The following AUTS2 variants were observed in gnomAD, a reference collection of about 807,000 sequenced individuals.
AUTS2 encodes the protein autism susceptibility gene 2 protein.
AUTS2 carries 17 observed loss-of-function variants against 112.4 expected under a neutral mutation model. That is an observed-to-expected ratio of 0.15 (90% CI 0.10 to 0.23). The LOEUF (loss-of-function observed/expected upper bound fraction) is 0.23. Ranked by LOEUF, AUTS2 falls within the 10% of genes least tolerant of loss-of-function variation. The probability of loss-of-function intolerance (pLI) is 1.00; values close to 1 mark genes in which losing one functional copy is unlikely to be tolerated. For missense variants in AUTS2, 1,510 were observed against 1,701.6 expected, an observed-to-expected ratio of 0.89 and a Z score of 1.98; for synonymous variants, 751 against 702.7, an observed-to-expected ratio of 1.07 and a Z score of -1.09.
intron 6 of AUTS2, among the ~76,000 whole-genome samples, chr7:70,742,164 A>G (rs1464143435): frequency 2.0e-5 from 3 of 152,236 alleles, no homozygotes; most frequent in African/African-American, 7.2e-5. Context: ...ATAAGGATAC[A>G]TAAATTATAC....
intron 2 of AUTS2, among the ~76,000 whole-genome samples, chr7:70,087,254 G>A (rs1310101066): frequency 2.8e-5 from 4 of 145,268 alleles, no homozygotes; most frequent in South Asian, 2.2e-4. Context: ...GTTTAATATG[G>A]CAAATTTAAC....
chr7:70,356,932 G>A (rs1166347884), intron 4 of AUTS2, among the ~76,000 whole-genome samples: 1 of 152,136 alleles, frequency 6.6e-6, no homozygotes, highest in Non-Finnish European at 1.5e-5. Context: ...TTTTCCTGTT[G>A]CTTCAAAATG....
intron 2 of AUTS2, among the ~76,000 whole-genome samples, chr7:69,920,953 T>TA (rs1175184129): frequency 1.3e-5 from 2 of 152,224 alleles, no homozygotes; most frequent in Non-Finnish European, 2.9e-5. Flanking sequence ...TGGTGAATGA[T>TA]ACGTGCTTAA....
chr7:69,874,951 G>A (rs1793665862), intron 1 of AUTS2, among the ~76,000 whole-genome samples: 1 of 151,630 alleles, frequency 6.6e-6, no homozygotes, highest in Non-Finnish European at 1.5e-5. Context: ...TTTGATGTTG[G>A]GTATCTAGGA....
At chr7:69,880,204 C>A (rs1442303617) in intron 1 of AUTS2, among the ~76,000 whole-genome samples, 4 of 152,102 alleles carry the variant, frequency 2.6e-5, no homozygotes, top group Non-Finnish European at 5.9e-5. Flanking sequence ...TTTTAAACAA[C>A]TAGATCTCGT....
chr7:69,770,719 A>C (rs80012565), intron 1 of AUTS2, among the ~76,000 whole-genome samples: 1 of 152,174 alleles, frequency 6.6e-6, no homozygotes, highest in Non-Finnish European at 1.5e-5. Flanking sequence ...CTAGAGGACA[A>C]CAGAAGGCTG....
chr7:70,248,045 A>T (rs1813018975), intron 4 of AUTS2, among the ~76,000 whole-genome samples: 1 of 152,186 alleles, frequency 6.6e-6, no homozygotes, highest in Non-Finnish European at 1.5e-5. Flanking sequence ...TGTTAAATCA[A>T]TCTGTAATTC....
intron 1 of AUTS2, among the ~76,000 whole-genome samples, chr7:69,717,590 GA>G (rs1172207313): frequency 6.6e-6 from 1 of 152,066 alleles, no homozygotes; most frequent in East Asian, 1.9e-4. Context: ...AGAATGAAAG[GA>G]AAAAAAATTT....
chr7:70,578,317 G>A (rs1179417041), intron 5 of AUTS2, among the ~76,000 whole-genome samples: 1 of 152,220 alleles, frequency 6.6e-6, no homozygotes, highest in African/African-American at 2.4e-5. Flanking sequence ...TTGTATTGAA[G>A]ATTCTGGGCC....
intron 1 of AUTS2, among the ~76,000 whole-genome samples, chr7:69,644,499 TAAAAA>T (rs201217373): frequency 7.2e-6 from 1 of 139,564 alleles, no homozygotes; most frequent in African/African-American, 2.6e-5. Flanking sequence ...CATCTTGTCT[TAAAAA>T]AAAAAAAAAA....
chr7:70,770,363 G>A (rs924920159), intron 10 of AUTS2, among the ~76,000 whole-genome samples: 2 of 152,216 alleles, frequency 1.3e-5, no homozygotes, highest in Non-Finnish European at 2.9e-5. Flanking sequence ...ACACGGGATT[G>A]CGAAATGTGA....
At chr7:70,684,046 C>T (rs1188101743) in intron 5 of AUTS2, among the ~76,000 whole-genome samples, 1 of 151,844 alleles carries the variant, frequency 6.6e-6, no homozygotes, top group Non-Finnish European at 1.5e-5. Flanking sequence ...TTCCCCAAAC[C>T]AGTAGAAGCA....
chr7:70,476,281 C>T (rs565115911), intron 5 of AUTS2, among the ~76,000 whole-genome samples: 2 of 152,230 alleles, frequency 1.3e-5, no homozygotes, highest in East Asian at 3.9e-4. Flanking sequence ...GGGATTCAGA[C>T]AGCTCTGTGA....
At chr7:70,390,027 A>T (rs182134708) in intron 4 of AUTS2, among the ~76,000 whole-genome samples, 4 of 152,226 alleles carry the variant, frequency 2.6e-5, no homozygotes, top group African/African-American at 9.6e-5. Context: ...CAGAAGAGTC[A>T]GGAGTAAGAG....
chr7:70,475,532 C>T (rs909864911), intron 5 of AUTS2, among the ~76,000 whole-genome samples: 1 of 152,152 alleles, frequency 6.6e-6, no homozygotes, highest in African/African-American at 2.4e-5. Flanking sequence ...CCACAGCATT[C>T]GATCACTTAT....
rs77748461 is a variant in AUTS2, at chr7:70,098,627, C to T, written c.523-19505C>T. 9.9e-3 allele frequency among the ~76,000 whole-genome samples: 1,497 copies of T among 151,800 alleles called. 11 individuals carry two copies. Among genetic ancestry groups the T allele is most frequent in the Non-Finnish European group, 0.015 (990 of 67,964 alleles). ...ATGATTTTTTACTTTTATAATTCTC[C>T]AATTGTTGATGTTGTAGACCATGTC... On this transcript the variant is annotated intron_variant, in intron 2 of 18. Coordinates refer to ENST00000342771, the MANE Select transcript of AUTS2 (RefSeq NM_015570.4).
intron 5 of AUTS2, among the ~76,000 whole-genome samples, chr7:70,683,998 A>G (rs1808333499): frequency 6.6e-6 from 1 of 152,218 alleles, no homozygotes; most frequent in African/African-American, 2.4e-5. Context: ...ATTCTACGAC[A>G]TTCTAGCTCC....
chr7:70,772,668 C>A (rs1790428483), intron 11 of AUTS2, among the ~76,000 whole-genome samples: 1 of 152,228 alleles, frequency 6.6e-6, no homozygotes, highest in Non-Finnish European at 1.5e-5. Context: ...TCCCCTCCCC[C>A]TTCAAAATCA....
chr7:70,035,779 T>C (rs1800975230), intron 2 of AUTS2, among the ~76,000 whole-genome samples: 1 of 152,182 alleles, frequency 6.6e-6, no homozygotes, highest in Non-Finnish European at 1.5e-5. Context: ...TCATTTCTTC[T>C]TACCACACTC....
Sources: allele counts gnomAD v4.1 joint callset (sites outside exome capture counted in the v4.1 genomes callset), GRCh38; gene constraint gnomAD v4.1.1; transcripts MANE v1.5; gene names NCBI Gene and HGNC (gene_info 2026-07-23, HGNC 2026-07-21).